Variants in BCAR3 observed in about 807,000 individuals in gnomAD.
The protein encoded by BCAR3 is BCAR3 adaptor protein, NSP family member.
Under a neutral mutation model 80.1 loss-of-function variants are expected in BCAR3, and 37 were observed. The ratio of observed to expected loss-of-function variants is 0.46; its 90% CI spans 0.36 to 0.61. BCAR3 has a LOEUF of 0.61. Among genes scored for constraint, BCAR3 ranks in the 20% least tolerant of loss-of-function variants. The pLI, the probability that BCAR3 is intolerant of heterozygous loss-of-function variation, is 0.00. For missense variants in BCAR3, 978 were observed against 1,068.2 expected (o/e 0.92, Z 1.18); for synonymous variants, 389 against 418.9 (o/e 0.93, Z 0.87).
intron 2 of BCAR3, among the ~76,000 whole-genome samples, chr1:93,670,326 A>G (rs1042370624): frequency 1.4e-4 from 22 of 152,194 alleles, no homozygotes; most frequent in African/African-American, 5.1e-4. Flanking sequence ...CAGCCAAGAC[A>G]ACAACAAAGC....
intron 2 of BCAR3, among the ~76,000 whole-genome samples, chr1:93,775,043 T>A (rs187949999): frequency 9.8e-5 from 15 of 152,362 alleles, no homozygotes; most frequent in South Asian, 4.1e-4. Context: ...GAGAAGCCAC[T>A]AAGCCATCAG....
At chr1:93,577,770 G>T (rs1245270295) in intron 7 of BCAR3, among the ~76,000 whole-genome samples, 1 of 150,796 alleles carries the variant, frequency 6.6e-6, no homozygotes, top group South Asian at 2.1e-4. Flanking sequence ...CTTCTGAGGG[G>T]TGTCCCCCAC....
chr1:93,584,543 A>T (rs1360540166), intron 5 of BCAR3, among the ~76,000 whole-genome samples: 1 of 152,216 alleles, frequency 6.6e-6, no homozygotes, highest in Non-Finnish European at 1.5e-5. Context: ...CATGCTCCAT[A>T]GTGTTGCAGT....
At chr1:93,747,574 A>G (rs1156858133) in intron 2 of BCAR3, among the ~76,000 whole-genome samples, 1 of 151,562 alleles carries the variant, frequency 6.6e-6, no homozygotes, top group Non-Finnish European at 1.5e-5. Flanking sequence ...ATGTTAGTTT[A>G]GGGTCTCATT....
chr1:93,702,075 C>T (rs187121783), intron 3 of BCAR3, among the ~76,000 whole-genome samples: 1 of 152,090 alleles, frequency 6.6e-6, no homozygotes, highest in Non-Finnish European at 1.5e-5. Flanking sequence ...CTAAAGCTAT[C>T]GATCCACCCA....
chr1:93,760,555 T>A (rs1651902749), intron 2 of BCAR3, among the ~76,000 whole-genome samples: 1 of 151,972 alleles, frequency 6.6e-6, no homozygotes, highest in Non-Finnish European at 1.5e-5. Context: ...TTGGATGCTG[T>A]TGTGGTTGCA....
intron 2 of BCAR3, among the ~76,000 whole-genome samples, chr1:93,843,855 A>G (rs977956620): frequency 1.3e-5 from 2 of 152,196 alleles, no homozygotes; most frequent in Non-Finnish European, 2.9e-5. Flanking sequence ...TGGTTCCCAC[A>G]GTAGGCCTAA....
chr1:93,717,027 T>A (rs536445192), intron 2 of BCAR3, among the ~76,000 whole-genome samples: 1 of 152,350 alleles, frequency 6.6e-6, no homozygotes, highest in South Asian at 2.1e-4. Context: ...GGCCTTTTGA[T>A]GAACAGAACG....
At chr1:93,819,732 T>C (rs570144604) in intron 2 of BCAR3, among the ~76,000 whole-genome samples, 1 of 152,348 alleles carries the variant, frequency 6.6e-6, no homozygotes, top group South Asian at 2.1e-4. Context: ...CAGATTTATT[T>C]ATATATTTCC....
At chr1:93,625,466 C>G (rs528191192) in intron 3 of BCAR3, among the ~76,000 whole-genome samples, 2 of 152,190 alleles carry the variant, frequency 1.3e-5, no homozygotes, top group South Asian at 2.1e-4. Context: ...AATACACCCA[C>G]CTGGGCCTGG....
intron 2 of BCAR3, among the ~76,000 whole-genome samples, chr1:93,741,419 C>T (rs887281273): frequency 2.6e-5 from 4 of 152,088 alleles, no homozygotes; most frequent in Admixed American, 6.5e-5. Context: ...TCTCTGTGCC[C>T]GGGTTGTCTT....
chr1:93,620,408 T>C (rs1375407867), intron 3 of BCAR3, among the ~76,000 whole-genome samples: 1 of 152,156 alleles, frequency 6.6e-6, no homozygotes, highest in African/African-American at 2.4e-5. Flanking sequence ...AGCAGGTGTA[T>C]CCACAGCATC....
In BCAR3 at chr1:93,833,164, C is replaced by T. The variant is rs182062388; in HGVS notation, c.-63+12403G>A. On this transcript the variant is annotated intron_variant, in intron 2 of 13. Transcript: ENST00000370244. ...GGACTCTGGGGGTGACATCACATGTCGGCAGGTTCCGTGATGCCCACCTGA... is the reference window on the plus strand; with the variant it reads ...GGACTCTGGGGGTGACATCACATGTTGGCAGGTTCCGTGATGCCCACCTGA... 1.7e-3 allele frequency among the ~76,000 whole-genome samples: 259 copies of T among 152,194 alleles called. 1 individual carries two copies. Among genetic ancestry groups the T allele is most frequent in the Non-Finnish European group, 2.6e-3 (179 of 68,022 alleles).
intron 2 of BCAR3, among the ~76,000 whole-genome samples, chr1:93,822,704 G>C (rs1396433204): frequency 1.3e-5 from 2 of 152,138 alleles, no homozygotes; most frequent in Admixed American, 6.5e-5. Flanking sequence ...GGCTGGAGGA[G>C]CAGGCAGGGA....
rs111547311 is a variant in BCAR3, at chr1:93,608,379, A to G, written c.358-15986T>C. 1.8e-3 allele frequency among the ~76,000 whole-genome samples: 273 copies of G among 152,300 alleles called. 2 individuals are homozygous for G. Among genetic ancestry groups the G allele is most frequent in the African/African-American group, 5.5e-3 (227 of 41,564 alleles). ...GTTCCTGGGGATACCCAAGATACCC[A>G]TCAGCTAAAAGGCCCCCAAGCTATC... is the stretch of plus-strand genomic sequence containing the variant. On this transcript the variant is annotated intron_variant, in intron 3 of 11. Coordinates refer to ENST00000260502, the MANE Select transcript of BCAR3 (RefSeq NM_003567.4).
chr1:93,592,068 TGCTTTGG>T lies in BCAR3; in HGVS notation c.486+190_486+196del. 1.5e-6 allele frequency: 1 copy of T among 679,672 alleles called. No homozygotes were observed. 42.1% of individuals were successfully genotyped at this position (679,672 alleles called of 1,614,324 possible). On this transcript the variant is annotated intron_variant, in intron 4 of 11. Transcript: ENST00000260502. The surrounding 1 kb of genome is among the most constrained non-coding windows in gnomAD (Gnocchi z 4.8). ...TTCACTTCCTGAACATGTGGATGTG[TGCTTTGG>T]GTTCTTGACCTCAGCTCTTCCCAAG...
intron 3 of BCAR3, chr1:93,614,216 A>AT: frequency 8.6e-7 from 1 of 1,157,608 alleles, no homozygotes; most frequent in South Asian, 2.8e-5. Context: ...TTGCTTTCTG[A>AT]TGAAATTCTA....
chr1:93,846,914 A>G (rs768692278), intron 1 of BCAR3: 1 of 330,802 alleles, frequency 3.0e-6, no homozygotes, highest in South Asian at 1.7e-5. Flanking sequence ...AATGCAACCC[A>G]AACCCCGTTT....
At position 93,576,011 on chromosome 1, in the gene BCAR3, C is replaced by T. The variant is rs749151329; in HGVS notation, c.1802+3G>A. On this transcript the variant is annotated splice_donor_region_variant and intron_variant, in intron 8 of 11. Coordinates refer to ENST00000260502, the MANE Select transcript of BCAR3 (RefSeq NM_003567.4). ...CGGAAGTGCAGAGGACGGCACTGCT[C>T]ACCTTTCAATTATGTCCAGGCGCAG... 5 of 1,613,806 alleles carry T rather than the reference C, an allele frequency of 3.1e-6. No homozygotes were observed. Among genetic ancestry groups the T allele is most frequent in the South Asian group, 1.1e-5 (1 of 91,054 alleles).
Sources: gnomAD v4.1 joint callset for allele counts (sites outside exome capture counted in the v4.1 genomes callset) on GRCh38, gnomAD v4.1.1 for gene constraint, Gnocchi (gnomAD v3.1) non-coding constraint, MANE v1.5 for transcripts, NCBI Gene and HGNC (gene_info 2026-07-23, HGNC 2026-07-21) for gene names.